SLC2A13: variants seen among roughly 807,000 people sequenced by gnomAD.
SLC2A13 encodes the protein solute carrier family 2 member 13.
Under a neutral mutation model 64.4 loss-of-function variants are expected in SLC2A13, and 32 were observed. The observed-to-expected ratio is 0.50, with a 90% CI of 0.37 to 0.67. The LOEUF (loss-of-function observed/expected upper bound fraction) is 0.67. Among genes scored for constraint, SLC2A13 ranks in the 30% least tolerant of loss-of-function variants. The pLI is 0.00. For missense variants in SLC2A13, 743 were observed against 829.2 expected (o/e 0.90, Z 1.28); for synonymous variants, 338 against 327.1 (o/e 1.03, Z -0.36).
intron 4 of SLC2A13, among the ~76,000 whole-genome samples, chr12:39,872,813 A>G (rs1208701194): frequency 1.3e-5 from 2 of 152,238 alleles, no homozygotes; most frequent in Admixed American, 1.3e-4. Flanking sequence ...ATGAAATGTG[A>G]TAGAATTCAA....
chr12:39,848,995 G>T (rs1422544461), intron 6 of SLC2A13, among the ~76,000 whole-genome samples: 1 of 151,968 alleles, frequency 6.6e-6, no homozygotes, highest in Non-Finnish European at 1.5e-5. Context: ...CACAAAGAAG[G>T]AAACAACAGA....
rs1939977783 is a variant in SLC2A13 at position 39,756,729 on chromosome 12, T to C, written c.*3297A>G. 6.6e-6 allele frequency: 1 copy of C among 151,684 alleles called. No homozygotes were observed. Among genetic ancestry groups the C allele is most frequent in the South Asian group, 2.1e-4 (1 of 4,832 alleles). 9.4% of individuals were successfully genotyped at this position (151,684 alleles called of 1,614,324 possible). A position where few individuals can be genotyped will look rare whatever the true frequency, so the allele number is the denominator to read the frequency against. ...GTCAGCTTATATTTTTCCTGATCAT[T>C]CTTCCCCTGTATAACAGATACTGAA... On this transcript the variant is annotated 3_prime_UTR_variant, in exon 10 of 10. Coordinates refer to ENST00000280871, the MANE Select transcript of SLC2A13 (RefSeq NM_052885.4).
At chr12:39,928,743 G>A (rs1945771864) in intron 4 of SLC2A13, among the ~76,000 whole-genome samples, 1 of 152,066 alleles carries the variant, frequency 6.6e-6, no homozygotes, top group African/African-American at 2.4e-5. Context: ...TGGAAGCTTT[G>A]GACAGTGGAA....
At chr12:39,858,228 C>G (rs1342757226) in intron 6 of SLC2A13, among the ~76,000 whole-genome samples, 1 of 152,170 alleles carries the variant, frequency 6.6e-6, no homozygotes, top group Non-Finnish European at 1.5e-5. Context: ...GCAATAAGGT[C>G]ACAGGATGAG....
At chr12:39,851,101 T>C (rs1172022120) in intron 6 of SLC2A13, among the ~76,000 whole-genome samples, 1 of 152,092 alleles carries the variant, frequency 6.6e-6, no homozygotes, top group East Asian at 1.9e-4. Context: ...GGTTTCACTA[T>C]GTTGGCCAGG....
At chr12:40,066,818 C>A (rs985984079) in intron 1 of SLC2A13, among the ~76,000 whole-genome samples, 3 of 152,074 alleles carry the variant, frequency 2.0e-5, no homozygotes, top group African/African-American at 7.2e-5. Context: ...AAAATTAAGT[C>A]TTCATGAAAA....
At chr12:39,793,071 A>G (rs2135768133) in intron 7 of SLC2A13, among the ~76,000 whole-genome samples, 1 of 152,304 alleles carries the variant, frequency 6.6e-6, no homozygotes, top group South Asian at 2.1e-4. Context: ...AAAGTCTTAC[A>G]GTTTGCAAAC....
intron 3 of SLC2A13, among the ~76,000 whole-genome samples, chr12:40,013,292 G>T (rs1947563801): frequency 6.6e-6 from 1 of 152,122 alleles, no homozygotes; most frequent in African/African-American, 2.4e-5. Flanking sequence ...AGGGGATCTT[G>T]TTACCACCCT....
At chr12:40,037,630 C>CAAA (rs36117892) in intron 2 of SLC2A13, among the ~76,000 whole-genome samples, 2 of 74,030 alleles carry the variant, frequency 2.7e-5, no homozygotes, top group East Asian at 3.2e-4. Flanking sequence ...ACTCAGGTCT[C>CAAA]AAAAAAAAAA....
chr12:40,098,312 G>C (rs1939032102), intron 1 of SLC2A13, among the ~76,000 whole-genome samples: 1 of 152,184 alleles, frequency 6.6e-6, no homozygotes. Flanking sequence ...ACAGAAGGTA[G>C]AAAGGTGGGT....
Position 40,105,396 on chromosome 12 carries a change from C to T in SLC2A13, c.413G>A (p.Gly138Glu). The stretch of plus-strand genomic sequence containing the variant: ...GCCGAAGACGCCGTTGAGGGCGCCT[C>T]CGGCCAGCGCCGAGACGGCAGCCGC... ...VGAAAVSALAGGALNGVFGRR... is the reference protein window; with the variant it reads ...VGAAAVSALAEGALNGVFGRR... Residue 138 changes from glycine to glutamate, a missense_variant, in exon 1 of 10, where the codon GGA (glycine) becomes GAA (glutamate). By Grantham distance (98) the Gly-to-Glu change is moderately conservative. This residue lies in a region of SLC2A13 where 448 missense variants were observed against 447.4 expected (regional missense o/e 1.00). Transcript: ENST00000280871. The surrounding 1 kb of genome is among the most constrained non-coding windows in gnomAD (Gnocchi z 4.2). 1 of 1,553,986 alleles carries T rather than the reference C, an allele frequency of 6.4e-7. No individual in the cohort carries two copies. Among genetic ancestry groups the T allele is most frequent in the Non-Finnish European group, 8.7e-7 (1 of 1,150,354 alleles).
At chr12:39,870,017 C>A (rs1171640118) in intron 5 of SLC2A13, among the ~76,000 whole-genome samples, 1 of 152,124 alleles carries the variant, frequency 6.6e-6, no homozygotes, top group Non-Finnish European at 1.5e-5. Flanking sequence ...CTATTCAAAT[C>A]CAAACAGTCT....
At chr12:39,940,086 A>G (rs1194266030) in intron 4 of SLC2A13, among the ~76,000 whole-genome samples, 1 of 152,134 alleles carries the variant, frequency 6.6e-6, no homozygotes, top group Admixed American at 6.6e-5. Flanking sequence ...CCATTAATTC[A>G]CTAACTTCCA....
intron 3 of SLC2A13, among the ~76,000 whole-genome samples, chr12:39,963,010 T>C (rs1020324829): frequency 1.3e-5 from 2 of 152,086 alleles, no homozygotes; most frequent in Non-Finnish European, 2.9e-5. Flanking sequence ...ACATTAAAAA[T>C]AGCCAATAGC....
At chr12:39,873,548 C>T (rs1330075004) in intron 4 of SLC2A13, among the ~76,000 whole-genome samples, 1 of 152,104 alleles carries the variant, frequency 6.6e-6, no homozygotes, top group South Asian at 2.1e-4. Context: ...AAGAATTTGA[C>T]ATGTGTCATG....
chr12:39,825,875 ATTAATT>A (rs1566834053), intron 7 of SLC2A13, among the ~76,000 whole-genome samples: 1 of 152,024 alleles, frequency 6.6e-6, no homozygotes, highest in African/African-American at 2.4e-5. Flanking sequence ...CTGTTTAGTT[ATTAATT>A]TTAACATCTT....
At chr12:39,910,526 T>C (rs994134168) in intron 4 of SLC2A13, among the ~76,000 whole-genome samples, 1 of 152,092 alleles carries the variant, frequency 6.6e-6, no homozygotes, top group Non-Finnish European at 1.5e-5. Context: ...ACTAATGGGC[T>C]TGCCTCCTGT....
Position 39,871,921 on chromosome 12 carries a change from C to A in SLC2A13, c.1075G>T (p.Asp359Tyr), listed in dbSNP as rs767939533. The A allele has an allele frequency of 1.2e-6, 2 of 1,609,952 alleles. No homozygotes were observed. The highest frequency in any genetic ancestry group is 1.7e-6 in the Non-Finnish European group (2 of 1,178,274). Reference sequence around the variant, plus strand: ...GCCAGCCATATTGCAAGTCTATCATCTTCAACACCAGACATCTGCAGAATG... The same window carrying A: ...GCCAGCCATATTGCAAGTCTATCATATTCAACACCAGACATCTGCAGAATG... ...ATILQMSGVE[D>Y]DRLAIWLASV... Residue 359 changes from aspartate to tyrosine, a missense_variant, in exon 5 of 10, where the codon GAT becomes TAT. By Grantham distance (160) the Asp-to-Tyr change is radical. Coordinates refer to ENST00000280871, the MANE Select transcript of SLC2A13 (RefSeq NM_052885.4).
intron 3 of SLC2A13, among the ~76,000 whole-genome samples, chr12:39,979,508 G>T (rs1023930789): frequency 1.3e-5 from 2 of 149,526 alleles, no homozygotes; most frequent in East Asian, 3.9e-4. Flanking sequence ...GCCAAGGCTC[G>T]AGAACTACGT....
Sources: allele counts gnomAD v4.1 joint callset (sites outside exome capture counted in the v4.1 genomes callset), GRCh38; gene constraint gnomAD v4.1.1; regional missense constraint gnomAD v4.1.1; non-coding constraint Gnocchi (gnomAD v3.1); transcripts MANE v1.5; gene names NCBI Gene and HGNC (gene_info 2026-07-23, HGNC 2026-07-21).